The following SNAP91 variants were observed in gnomAD, a reference collection of about 807,000 sequenced individuals.
The protein encoded by SNAP91 is synaptosome associated protein 91.
A neutral mutation model predicts 100.3 loss-of-function variants in SNAP91; 27 were observed. The ratio of observed to expected loss-of-function variants is 0.27; its 90% CI spans 0.20 to 0.37. The LOEUF (loss-of-function observed/expected upper bound fraction) is 0.37. SNAP91 is among the 10% of genes least tolerant of loss of function. The pLI is 1.00. For synonymous variants in SNAP91, 404 were observed against 398.6 expected (o/e 1.01, Z -0.16); for missense variants, 986 against 1,123.7 (o/e 0.88, Z 1.75).
chr6:83,607,329 TTGTGTGTGTGTGTG>T (rs61335064), intron 13 of SNAP91, among the ~76,000 whole-genome samples: 2 of 144,792 alleles, frequency 1.4e-5, no homozygotes, highest in African/African-American at 2.6e-5. Flanking sequence ...CCAAGTTGGG[TTGTGTGTGTGTGTG>T]TGTGTGTGTG....
rs1475377515 is a variant in SNAP91, at chr6:83,575,024, G to T, written c.2428C>A (p.Pro810Thr). The T allele has an allele frequency of 6.3e-7, 1 of 1,594,390 alleles. No individual in the cohort carries two copies. The highest frequency in any genetic ancestry group is 1.1e-5 in the South Asian group (1 of 87,730). ...APATWSAGVP[P>T]SAPLQGAVPP... is the part of the protein sequence containing the mutation. Reference sequence around the variant, plus strand: ...TTGCTACATACCAAAGGTGCACTTGGTGGAACGCCTGCTGACCAGGTTGCT... The same window carrying T: ...TTGCTACATACCAAAGGTGCACTTGTTGGAACGCCTGCTGACCAGGTTGCT... The change falls in exon 26 of 30, where the codon CCA becomes ACA. Residue 810 changes from proline (P) to threonine (T), a missense_variant. Around this residue, in one of 4 missense-constraint regions of SNAP91, gnomAD observed 575 missense variants for 579.9 expected, o/e 0.99. Coordinates refer to ENST00000369694, the MANE Select transcript of SNAP91 (RefSeq NM_001242792.2).
intron 24 of SNAP91, among the ~76,000 whole-genome samples, chr6:83,577,889 C>T (rs1167025453): frequency 6.6e-6 from 1 of 152,126 alleles, no homozygotes; most frequent in Non-Finnish European, 1.5e-5. Context: ...CCACTTCCCT[C>T]AGCCCCTTGA....
chr6:83,707,469 A>G (rs531600687), intron 2 of SNAP91, among the ~76,000 whole-genome samples: 3 of 152,182 alleles, frequency 2.0e-5, no homozygotes, highest in African/African-American at 7.2e-5. Context: ...TGGAGAAAGA[A>G]AAAAAGGTGA....
intron 18 of SNAP91, 83 bp from the exon 19 acceptor site, chr6:83,593,342 T>G: frequency 6.6e-7 from 1 of 1,520,982 alleles, no homozygotes; most frequent in Non-Finnish European, 8.9e-7. Context: ...TAATTAGCAC[T>G]TTGAAGAACT....
rs373507806 is a variant in SNAP91, at chr6:83,560,906, G to A, written c.2484C>T (p.Ala828=). ...VPPTSSVPPV[A]GAPSVGQPGA... ...CAGGTTGTCCAACCGATGGGGCCCC[G>A]GCAACAGGAGGAACTGAACTGGTTG... The change falls in exon 27 of 30, where the codon GCC becomes GCT. Residue 828 remains alanine, a synonymous_variant. Transcript: ENST00000369694. 123 of 1,613,598 alleles carry A rather than the reference G, an allele frequency of 7.6e-5. 1 individual carries two copies. Among genetic ancestry groups the A allele is most frequent in the Middle Eastern group, 3.3e-4 (2 of 6,062 alleles).
At chr6:83,643,247 C>A (rs1282823416) in intron 7 of SNAP91, among the ~76,000 whole-genome samples, 2 of 152,048 alleles carry the variant, frequency 1.3e-5, no homozygotes, top group African/African-American at 4.8e-5. Flanking sequence ...TGGTGTTTTA[C>A]ACATGAAGTC....
At chr6:83,697,366 A>ACACACAC (rs1554372322) in intron 2 of SNAP91, among the ~76,000 whole-genome samples, 11 of 148,434 alleles carry the variant, frequency 7.4e-5, no homozygotes, top group South Asian at 2.1e-4. Context: ...ACACACACAC[A>ACACACAC]ATGCCGGCAA....
rs780131531 is a variant in SNAP91, at chr6:83,594,491, G to A, written c.1325-10C>T. On this transcript the variant is annotated splice_polypyrimidine_tract_variant and intron_variant, in intron 16 of 29. Coordinates refer to ENST00000369694, the MANE Select transcript of SNAP91 (RefSeq NM_001242792.2). Reference sequence around the variant, plus strand: ...GAAGCTGCAAAGGCATCTTGGGTGCGGTTTTTAAAACAGCAGAAATTAAAA... The same window carrying A: ...GAAGCTGCAAAGGCATCTTGGGTGCAGTTTTTAAAACAGCAGAAATTAAAA... 9 of 1,457,122 alleles carry A rather than the reference G, an allele frequency of 6.2e-6. No individual in the cohort carries two copies. The highest frequency in any genetic ancestry group is 5.4e-5 in the South Asian group (4 of 74,024). The allele number at this position is 1,457,122 out of a possible 1,614,324, so 90.3% of individuals were successfully genotyped here. A position where few individuals can be genotyped will look rare whatever the true frequency, so the allele number is the denominator to read the frequency against.
chr6:83,682,626 A>C (rs951548890), intron 2 of SNAP91, among the ~76,000 whole-genome samples: 1 of 151,910 alleles, frequency 6.6e-6, no homozygotes, highest in African/African-American at 2.4e-5. Flanking sequence ...GTACATGTGC[A>C]CAACGTGCAG....
At chr6:83,614,378 G>A (rs2096346357) in intron 11 of SNAP91, among the ~76,000 whole-genome samples, 1 of 151,594 alleles carries the variant, frequency 6.6e-6, no homozygotes, top group Non-Finnish European at 1.5e-5. Flanking sequence ...AAATATAAAG[G>A]GCATACATAT....
At chr6:83,656,983 G>A in intron 6 of SNAP91, 118 bp from the exon 7 acceptor site, 1 of 583,264 alleles carries the variant, frequency 1.7e-6, no homozygotes, top group African/African-American at 1.9e-5. Flanking sequence ...TACAAACATT[G>A]GTAATTCATT....
intron 16 of SNAP91, among the ~76,000 whole-genome samples, chr6:83,594,722 G>A (rs1038678411): frequency 6.6e-6 from 1 of 151,436 alleles, no homozygotes; most frequent in Non-Finnish European, 1.5e-5. Flanking sequence ...GGATCCAAAA[G>A]GTAATGAGAT....
At chr6:83,670,289 C>T (rs1401667302) in intron 2 of SNAP91, among the ~76,000 whole-genome samples, 6 of 147,202 alleles carry the variant, frequency 4.1e-5, no homozygotes, top group East Asian at 2.0e-4. Context: ...TGATATCTCT[C>T]GGTGGTTTTT....
chr6:83,580,476 T>C lies in SNAP91; in HGVS notation c.2273A>G (p.Asp758Gly), dbSNP rs779843482. 1 of 1,611,452 alleles carries C rather than the reference T, an allele frequency of 6.2e-7. No homozygotes were observed. The highest frequency in any genetic ancestry group is 1.1e-5 in the South Asian group (1 of 90,874). ...AASKALGSDL[D>G]SSLASLVGNL... Reference sequence around the variant, plus strand: ...GCCTACTAAGCTGGCAAGAGATGAATCAAGATCACTTCCAAGGGCTTTGCT... The same window carrying C: ...GCCTACTAAGCTGGCAAGAGATGAACCAAGATCACTTCCAAGGGCTTTGCT... Residue 758 changes from aspartate (D) to glycine (G), a missense_variant, in exon 24 of 30, where the codon GAT (aspartate) becomes GGT (glycine). Asp to Gly is a moderately conservative substitution (Grantham distance 94). This residue lies in a region of SNAP91 where 575 missense variants were observed against 579.9 expected (regional missense o/e 0.99). Transcript: ENST00000369694.
intron 14 of SNAP91, among the ~76,000 whole-genome samples, chr6:83,602,703 C>A (rs2095343379): frequency 6.6e-6 from 1 of 151,996 alleles, no homozygotes; most frequent in African/African-American, 2.4e-5. Flanking sequence ...ATTAGCATTT[C>A]CCCCCAAAGC....
At chr6:83,614,568 C>T (rs2096365165) in intron 11 of SNAP91, among the ~76,000 whole-genome samples, 1 of 151,798 alleles carries the variant, frequency 6.6e-6, no homozygotes, top group African/African-American at 2.4e-5. Context: ...GTTTACTAAA[C>T]AAATAAAAAA....
intron 8 of SNAP91, among the ~76,000 whole-genome samples, chr6:83,629,472 G>A (rs139385365): frequency 2.6e-4 from 39 of 152,044 alleles, no homozygotes; most frequent in East Asian, 1.2e-3. Context: ...TTCTCAATAC[G>A]GATTCTACCC....
chr6:83,650,710 G>A (rs970638344), intron 7 of SNAP91, among the ~76,000 whole-genome samples: 7 of 152,136 alleles, frequency 4.6e-5, no homozygotes, highest in African/African-American at 1.4e-4. Context: ...GAGCCATTGC[G>A]CCTGGCCACT....
At chr6:83,650,338 T>C (rs1415612150) in intron 7 of SNAP91, among the ~76,000 whole-genome samples, 1 of 152,208 alleles carries the variant, frequency 6.6e-6, no homozygotes, top group Admixed American at 6.5e-5. Context: ...GGAGACTGAA[T>C]GAATGGTTCA....
Sources: allele counts gnomAD v4.1 joint callset (sites outside exome capture counted in the v4.1 genomes callset), GRCh38; gene constraint gnomAD v4.1.1; regional missense constraint gnomAD v4.1.1; transcripts MANE v1.5; gene names NCBI Gene and HGNC (gene_info 2026-07-23, HGNC 2026-07-21).